ZNF609: variants seen among roughly 807,000 people sequenced by gnomAD.
ZNF609 encodes the protein zinc finger protein 609.
A neutral mutation model predicts 109.5 loss-of-function variants in ZNF609; 11 were observed. The observed-to-expected ratio is 0.10, with a 90% CI of 0.06 to 0.17. ZNF609 has a LOEUF of 0.17. ZNF609 is among the 10% of genes least tolerant of loss of function. The probability of loss-of-function intolerance (pLI) is 1.00; values close to 1 mark genes in which losing one functional copy is unlikely to be tolerated. For missense variants in ZNF609, 1,559 were observed against 1,772.4 expected (o/e 0.88, Z 2.16); for synonymous variants, 646 against 662.0 (o/e 0.98, Z 0.37).
intron 2 of ZNF609, among the ~76,000 whole-genome samples, chr15:64,540,525 C>T (rs1167898652): frequency 1.3e-5 from 2 of 151,904 alleles, no homozygotes; most frequent in South Asian, 2.1e-4. Context: ...CTGCTTTAGC[C>T]TCCCAAGTAG....
At chr15:64,520,299 A>G (rs901313096) in intron 2 of ZNF609, among the ~76,000 whole-genome samples, 15 of 152,072 alleles carry the variant, frequency 9.9e-5, no homozygotes, top group Admixed American at 3.3e-4. Context: ...TACCTTTATC[A>G]TATTCGCTCC....
At chr15:64,634,165 G>A (rs543721276) in intron 3 of ZNF609, among the ~76,000 whole-genome samples, 1 of 152,160 alleles carries the variant, frequency 6.6e-6, no homozygotes, top group Admixed American at 6.5e-5. Flanking sequence ...GTAAGTAGCT[G>A]ACATCTAAAC....
chr15:64,668,887 G>T (rs1419812573), intron 3 of ZNF609, among the ~76,000 whole-genome samples: 1 of 148,008 alleles, frequency 6.8e-6, no homozygotes, highest in Non-Finnish European at 1.5e-5. Flanking sequence ...AGGAGGCGGA[G>T]GTTGCAGTGA....
At chr15:64,623,512 C>T (rs925092391) in intron 3 of ZNF609, among the ~76,000 whole-genome samples, 1 of 152,164 alleles carries the variant, frequency 6.6e-6, no homozygotes, top group South Asian at 2.1e-4. Context: ...ATAGGTACAG[C>T]CAGTTCACTC....
chr15:64,668,799 C>G (rs892822993), intron 3 of ZNF609, among the ~76,000 whole-genome samples: 1 of 151,506 alleles, frequency 6.6e-6, no homozygotes, highest in Non-Finnish European at 1.5e-5. Context: ...ACTAAAAATA[C>G]AAAATTAGCT....
intron 2 of ZNF609, among the ~76,000 whole-genome samples, chr15:64,556,852 TTCAAAATATTATTTATATCCTA>T (rs1238737506): frequency 1.3e-5 from 2 of 152,198 alleles, no homozygotes; most frequent in Non-Finnish European, 2.9e-5. Flanking sequence ...TTGAGGGAAT[TTCAAAATATTATTTATATCCTA>T]TCTGCTTTTT....
intron 2 of ZNF609, among the ~76,000 whole-genome samples, chr15:64,577,333 AT>A: frequency 3.6e-5 from 1 of 27,536 alleles, no homozygotes; most frequent in African/African-American, 5.9e-5. Flanking sequence ...ACACAAATAT[AT>A]ACATATATAT....
Position 64,680,784 on chromosome 15 carries a change from C to A in ZNF609, c.4084C>A (p.Leu1362Met), listed in dbSNP as rs779181065. Residue 1362 changes from leucine (L) to methionine (M), a missense_variant, in exon 8 of 10, where the codon CTG becomes ATG. Around this residue, in one of 4 missense-constraint regions of ZNF609, gnomAD observed 1,204 missense variants for 1,314.1 expected, o/e 0.92. Coordinates refer to ENST00000326648, the MANE Select transcript of ZNF609 (RefSeq NM_015042.2). ...GCCCCGCACCTCTCCTTCCCAGCGC[C>A]TGATGTCCACACACCACCACCACCA... ...DRPRTSPSQR[L>M]MSTHHHHHHL... 6 of 1,613,660 alleles carry A rather than the reference C, an allele frequency of 3.7e-6. No individual in the cohort carries two copies. Among genetic ancestry groups the A allele is most frequent in the Non-Finnish European group, 4.2e-6 (5 of 1,179,996 alleles).
At chr15:64,646,939 C>CAA (rs10628744) in intron 3 of ZNF609, among the ~76,000 whole-genome samples, 751 of 58,488 alleles carry the variant, frequency 0.013, 24 homozygotes, top group African/African-American at 0.023. Context: ...GACTCTGTCT[C>CAA]AAAAAAAAAA....
At chr15:64,637,477 T>C (rs1221839115) in intron 3 of ZNF609, among the ~76,000 whole-genome samples, 2 of 152,242 alleles carry the variant, frequency 1.3e-5, no homozygotes, top group Non-Finnish European at 2.9e-5. Context: ...TCCCAAAATG[T>C]GTAAACCAAT....
rs539373008 is a variant in ZNF609, at chr15:64,675,263, C to T, written c.2409C>T (p.Pro803=). ...TCTACAGTTTCACGGACAATGCCCCCAGCCCTTCCATTGGAGGCAGTAGCC... is the reference window on the plus strand; with the variant it reads ...TCTACAGTTTCACGGACAATGCCCCTAGCCCTTCCATTGGAGGCAGTAGCC... ...DKIYSFTDNA[P]SPSIGGSSRL... The change falls in exon 5 of 10, where the codon CCC becomes CCT. Residue 803 remains proline, a synonymous_variant. Transcript: ENST00000326648. 2 of 1,613,986 alleles carry T rather than the reference C, an allele frequency of 1.2e-6. No individual in the cohort carries two copies. Among genetic ancestry groups the T allele is most frequent in the African/African-American group, 2.7e-5 (2 of 74,918 alleles).
intron 2 of ZNF609, among the ~76,000 whole-genome samples, chr15:64,581,563 C>A (rs1228470477): frequency 2.0e-5 from 3 of 151,946 alleles, no homozygotes; most frequent in South Asian, 4.2e-4. Flanking sequence ...GCAAGTGGGG[C>A]CTTCCAGGGA....
chr15:64,673,845 G>T, intron 4 of ZNF609, 71 bp from the exon 5 acceptor site: 2 of 1,503,874 alleles, frequency 1.3e-6, no homozygotes. Context: ...AGTTCTGGAG[G>T]CTACAGCTAA....
intron 2 of ZNF609, among the ~76,000 whole-genome samples, chr15:64,544,304 C>T (rs1416402709): frequency 6.6e-6 from 1 of 152,098 alleles, no homozygotes; most frequent in Non-Finnish European, 1.5e-5. Context: ...CATGCCACTG[C>T]CCTCAGCCTG....
chr15:64,664,470 C>T (rs1211676384), intron 3 of ZNF609, among the ~76,000 whole-genome samples: 1 of 152,152 alleles, frequency 6.6e-6, no homozygotes, highest in Non-Finnish European at 1.5e-5. Context: ...CTCAAACATG[C>T]TGAGCCTTTC....
intron 1 of ZNF609, among the ~76,000 whole-genome samples, chr15:64,463,102 A>G (rs1185396859): frequency 6.6e-6 from 1 of 152,218 alleles, no homozygotes; most frequent in African/African-American, 2.4e-5. Context: ...AAAATTTAAA[A>G]AAATACAGCT....
At chr15:64,487,792 C>G (rs1430854465) in intron 1 of ZNF609, among the ~76,000 whole-genome samples, 1 of 152,020 alleles carries the variant, frequency 6.6e-6, no homozygotes, top group African/African-American at 2.4e-5. Context: ...GCCACCACGC[C>G]CAGCTAAATT....
At chr15:64,556,797 T>A (rs1894595486) in intron 2 of ZNF609, among the ~76,000 whole-genome samples, 1 of 152,172 alleles carries the variant, frequency 6.6e-6, no homozygotes, top group East Asian at 1.9e-4. Flanking sequence ...GTTTATTGAG[T>A]TTTTTTATAG....
intron 2 of ZNF609, among the ~76,000 whole-genome samples, chr15:64,534,556 C>G (rs985307058): frequency 5.3e-5 from 8 of 152,054 alleles, no homozygotes; most frequent in Non-Finnish European, 1.2e-4. Context: ...CTTAGGTGAT[C>G]TGCCCACCTT....
Sources: gnomAD v4.1 joint callset for allele counts (sites outside exome capture counted in the v4.1 genomes callset) on GRCh38, gnomAD v4.1.1 for gene constraint, gnomAD v4.1.1 regional missense constraint, MANE v1.5 for transcripts, NCBI Gene and HGNC (gene_info 2026-07-23, HGNC 2026-07-21) for gene names.